RTL4: variants seen among roughly 807,000 people sequenced by gnomAD.
RTL4 encodes the protein retrotransposon Gag like 4.
A neutral mutation model predicts 5.3 loss-of-function variants in RTL4; 4 were observed. That is an observed-to-expected ratio of 0.75 (90% CI 0.37 to 1.72). The LOEUF is 1.72. Among genes scored for constraint, RTL4 ranks in the 40% most tolerant of loss-of-function variants. The pLI is 0.04. For missense variants in RTL4, 260 were observed against 227.1 expected (o/e 1.14, Z -0.93); for synonymous variants, 98 against 87.3 (o/e 1.12, Z -0.68).
chrX:112,171,332 A>G, the RTL4 span, among the ~76,000 whole-genome samples: 2 of 112,050 alleles, frequency 1.8e-5, no homozygotes, highest in Non-Finnish European at 3.8e-5. Context: ...TAGAAATGGT[A>G]CCAGATCCTC....
the RTL4 span, among the ~76,000 whole-genome samples, chrX:112,423,089 T>G: frequency 5.6e-5 from 6 of 107,539 alleles, no homozygotes; most frequent in Middle Eastern, 4.8e-3. Flanking sequence ...CATGTCTTTG[T>G]GTTGTTTTAT....
chrX:112,425,478 C>A, the RTL4 span, among the ~76,000 whole-genome samples: 1 of 110,797 alleles, frequency 9.0e-6, no homozygotes, highest in African/African-American at 3.3e-5. Context: ...GGTAAGAGGA[C>A]GATTAGTTTT....
chrX:112,454,442 C>A, upstream of RTL4: 1 of 249,551 alleles, frequency 4.0e-6, no homozygotes, highest in Non-Finnish European at 7.1e-6. Flanking sequence ...TTGTATATAT[C>A]TTCTTAATCC....
chrX:112,315,683 G>T, the RTL4 span, among the ~76,000 whole-genome samples: 1 of 111,450 alleles, frequency 9.0e-6, no homozygotes, highest in Non-Finnish European at 1.9e-5. Context: ...GTGTGGAAAT[G>T]GCATTTATTA....
chrX:112,248,966 T>G, the RTL4 span, among the ~76,000 whole-genome samples: 1 of 112,520 alleles, frequency 8.9e-6, no homozygotes, highest in Admixed American at 9.4e-5. Context: ...CCTGATGATC[T>G]ATTGCTGGCA....
chrX:112,107,167 A>G, the RTL4 span, among the ~76,000 whole-genome samples: 1 of 112,080 alleles, frequency 8.9e-6, no homozygotes, highest in African/African-American at 3.2e-5. Context: ...AGCTGATGAC[A>G]AATTAACTTT....
the RTL4 span, among the ~76,000 whole-genome samples, chrX:112,120,673 G>A: frequency 9.5e-6 from 1 of 105,147 alleles, no homozygotes; most frequent in East Asian, 2.9e-4. Context: ...AAAAAAACAC[G>A]CCAAAACCTT....
At chrX:112,395,135 A>G in the RTL4 span, among the ~76,000 whole-genome samples, 1 of 112,278 alleles carries the variant, frequency 8.9e-6, no homozygotes, top group Non-Finnish European at 1.9e-5. Context: ...GTTGAAAGCT[A>G]TTACTGATGT....
the RTL4 span, among the ~76,000 whole-genome samples, chrX:112,244,858 C>T: frequency 0.24 from 26,568 of 111,090 alleles, 2,951 homozygotes; most frequent in African/African-American, 0.45. Context: ...GTGTTTAGTG[C>T]TTCCTTCAGG....
At chrX:112,217,477 T>G in the RTL4 span, among the ~76,000 whole-genome samples, 2 of 111,975 alleles carry the variant, frequency 1.8e-5, no homozygotes, top group Non-Finnish European at 3.8e-5. Flanking sequence ...AGAAATCACC[T>G]GGGCTCCAGT....
the RTL4 span, among the ~76,000 whole-genome samples, chrX:112,137,147 T>TA: frequency 9.1e-6 from 1 of 109,518 alleles, no homozygotes; most frequent in South Asian, 3.8e-4. Flanking sequence ...ACTCAATATT[T>TA]AAAAAAAAAG....
chrX:112,451,764 G>A (rs1477775822), upstream of RTL4, among the ~76,000 whole-genome samples: 2 of 111,272 alleles, frequency 1.8e-5, no homozygotes, highest in Non-Finnish European at 3.8e-5. Flanking sequence ...AGGACAATGT[G>A]GGCTCTTTGT....
At chrX:112,404,694 T>G in the RTL4 span, among the ~76,000 whole-genome samples, 1 of 112,922 alleles carries the variant, frequency 8.9e-6, no homozygotes, top group East Asian at 2.8e-4. Flanking sequence ...TATTGCAGAT[T>G]TGCTGCAAAG....
chrX:112,324,509 G>A, the RTL4 span, among the ~76,000 whole-genome samples: 1 of 110,734 alleles, frequency 9.0e-6, no homozygotes, highest in East Asian at 2.8e-4. Flanking sequence ...ATTGTTTTGG[G>A]TTTAATTACT....
At chrX:112,094,848 T>C in the RTL4 span, among the ~76,000 whole-genome samples, 1 of 111,411 alleles carries the variant, frequency 9.0e-6, no homozygotes, top group Non-Finnish European at 1.9e-5. Context: ...TGATTTTAGT[T>C]ATAATGAGCT....
At chrX:112,115,412 C>T in the RTL4 span, among the ~76,000 whole-genome samples, 1 of 111,409 alleles carries the variant, frequency 9.0e-6, no homozygotes, top group African/African-American at 3.3e-5. Context: ...GGGACCTTAC[C>T]CTTGTCCTAT....
the RTL4 span, among the ~76,000 whole-genome samples, chrX:112,334,163 A>G: frequency 8.9e-6 from 1 of 111,874 alleles, no homozygotes; most frequent in African/African-American, 3.2e-5. Flanking sequence ...GTAGTACTAC[A>G]TTGTGTATAT....
chrX:112,169,537 A>G, the RTL4 span, among the ~76,000 whole-genome samples: 1 of 111,369 alleles, frequency 9.0e-6, no homozygotes, highest in African/African-American at 3.3e-5. Context: ...TGGTGTAAAA[A>G]AAGAGCGAGA....
the RTL4 span, among the ~76,000 whole-genome samples, chrX:112,437,802 A>ATGGTGGTGGTGGTGGTGGTGG: frequency 1.3e-5 from 1 of 76,993 alleles, no homozygotes; most frequent in Non-Finnish European, 2.4e-5. Context: ...GGTGGTGGTG[A>ATGGTGGTGGTGGTGGTGGTGG]TGGTGGTGGT....
Sources: gnomAD v4.1 joint callset for allele counts (sites outside exome capture counted in the v4.1 genomes callset) on GRCh38, gnomAD v4.1.1 for gene constraint, MANE v1.5 for transcripts, NCBI Gene and HGNC (gene_info 2026-07-23, HGNC 2026-07-21) for gene names.